Variants in TBXAS1 observed in about 807,000 individuals in gnomAD.
TBXAS1 encodes thromboxane-A synthase.
Under a neutral mutation model 60.7 loss-of-function variants are expected in TBXAS1, and 48 were observed. The observed-to-expected ratio is 0.79, with a 90% CI of 0.63 to 1.01. The LOEUF (loss-of-function observed/expected upper bound fraction) is 1.01. Ranked by LOEUF, TBXAS1 falls within the 50% of genes least tolerant of loss-of-function variation. The probability of loss-of-function intolerance (pLI) is 0.00; values close to 1 mark genes in which losing one functional copy is unlikely to be tolerated. For missense variants in TBXAS1, 685 were observed against 686.3 expected (o/e 1.00, Z 0.02); for synonymous variants, 287 against 269.7 (o/e 1.06, Z -0.63).
chr7:139,784,025 T>TG (rs1797092547), intron 3 of TBXAS1, among the ~76,000 whole-genome samples: 1 of 147,474 alleles, frequency 6.8e-6, no homozygotes, highest in Admixed American at 6.7e-5. Context: ...TTTTTTTTTT[T>TG]GTATTTTTTC....
intron 1 of TBXAS1, among the ~76,000 whole-genome samples, chr7:139,840,274 G>A (rs1799348735): frequency 6.6e-6 from 1 of 152,102 alleles, no homozygotes; most frequent in Non-Finnish European, 1.5e-5. Flanking sequence ...ATCTGAAGAG[G>A]AAGAAGCCAT....
chr7:139,897,157 G>A (rs555028776), intron 3 of TBXAS1, among the ~76,000 whole-genome samples: 2 of 152,100 alleles, frequency 1.3e-5, no homozygotes, highest in African/African-American at 2.4e-5. Context: ...ACTCACAAAC[G>A]AGCAGAAAGA....
chr7:139,951,486 A>G (rs941543001), intron 5 of TBXAS1, among the ~76,000 whole-genome samples: 1 of 150,282 alleles, frequency 6.7e-6, no homozygotes, highest in Non-Finnish European at 1.5e-5. Context: ...AGCCAGGCAC[A>G]GTAGTTCACG....
At chr7:139,794,646 C>T (rs1242594356) in intron 4 of TBXAS1, among the ~76,000 whole-genome samples, 1 of 144,680 alleles carries the variant, frequency 6.9e-6, no homozygotes, top group Non-Finnish European at 1.5e-5. Flanking sequence ...GTATGTCTCC[C>T]AATGCTATCC....
chr7:140,005,292 G>T (rs1406533265), intron 9 of TBXAS1, among the ~76,000 whole-genome samples: 1 of 152,154 alleles, frequency 6.6e-6, no homozygotes, highest in Non-Finnish European at 1.5e-5. Context: ...AGCCAGGCAT[G>T]GTGGCAGATG....
chr7:139,818,886 G>T (rs1404018705), intron 4 of TBXAS1, among the ~76,000 whole-genome samples: 2 of 152,156 alleles, frequency 1.3e-5, no homozygotes, highest in Non-Finnish European at 2.9e-5. Flanking sequence ...CAGCCTCCTG[G>T]AGAGAGAGTT....
chr7:139,984,640 G>GAGAGAGAGAGAA lies in TBXAS1; in HGVS notation c.1134+22410_1134+22411insGAGAGAGAAAGA, dbSNP rs1007635035. 1.9e-4 allele frequency among the ~76,000 whole-genome samples: 19 copies of GAGAGAGAGAGAA among 99,860 alleles called. 1 individual carries two copies. The highest frequency in any genetic ancestry group is 6.5e-4 in the African/African-American group (17 of 26,010). The allele number at this position is 99,860 out of a possible 152,430, so 65.5% of individuals were successfully genotyped here. ...AGAGAGAGAGAGAGAGAGAGAGAGA[G>GAGAGAGAGAGAA]AGAAAGAAAGAAAGGGAAGGGGGAA... On this transcript the variant is annotated intron_variant, in intron 9 of 12. Transcript: ENST00000448866.
chr7:139,918,004 T>A (rs899693509), intron 4 of TBXAS1, among the ~76,000 whole-genome samples: 1 of 152,210 alleles, frequency 6.6e-6, no homozygotes, highest in Non-Finnish European at 1.5e-5. Context: ...TTCTTATCTC[T>A]CAATGGATAT....
At position 139,841,755 on chromosome 7, in the gene TBXAS1, G is replaced by A. The variant is rs115008847; in HGVS notation, c.89+12276G>A. On this transcript the variant is annotated intron_variant, in intron 1 of 12. Coordinates refer to ENST00000448866, the MANE Select transcript of TBXAS1 (RefSeq NM_001061.7). ...TAAAGTAACGTGACTGATTATTTTA[G>A]CATACACTCCAATACTTATACAGCC... Among the ~76,000 whole-genome samples the A allele has an allele frequency of 7.3e-3, 1,115 of 152,178 alleles. 13 individuals carry two copies. Among genetic ancestry groups the A allele is most frequent in the African/African-American group, 0.026 (1,061 of 41,510 alleles).
At chr7:139,968,965 A>G (rs1160788892) in intron 9 of TBXAS1, among the ~76,000 whole-genome samples, 1 of 152,250 alleles carries the variant, frequency 6.6e-6, no homozygotes, top group Non-Finnish European at 1.5e-5. Flanking sequence ...GAGAAAGGAA[A>G]AAAACCAACT....
At chr7:139,918,100 C>T (rs183610633) in intron 4 of TBXAS1, among the ~76,000 whole-genome samples, 7 of 152,276 alleles carry the variant, frequency 4.6e-5, no homozygotes, top group Non-Finnish European at 7.4e-5. Context: ...TATGACATTC[C>T]CTTTCTTCTT....
intron 6 of TBXAS1, among the ~76,000 whole-genome samples, chr7:139,953,810 T>C (rs945674048): frequency 5.3e-5 from 8 of 152,236 alleles, no homozygotes; most frequent in African/African-American, 1.9e-4. Flanking sequence ...CCAGAAGCTA[T>C]AATTTAGTGG....
intron 12 of TBXAS1, 86 bp from the exon 13 acceptor site, chr7:140,019,939 T>C: frequency 7.6e-7 from 1 of 1,311,108 alleles, no homozygotes; most frequent in Non-Finnish European, 1.1e-6. Context: ...GACAACGGAC[T>C]TGGCCTTCTT....
rs138177756 is a variant in TBXAS1 at position 139,969,857 on chromosome 7, A to G, written c.1134+7624A>G. Reference sequence around the variant, plus strand: ...AGACCCCACAACAGCACAACAGGACAACAGAGCACAAAGCCACAGGGACAA... The same window carrying G: ...AGACCCCACAACAGCACAACAGGACGACAGAGCACAAAGCCACAGGGACAA... On this transcript the variant is annotated intron_variant, in intron 9 of 12. Transcript: ENST00000448866. Among the ~76,000 whole-genome samples the G allele has an allele frequency of 1.7e-3, 254 of 152,356 alleles. 1 individual carries two copies. The highest frequency in any genetic ancestry group is 5.8e-3 in the African/African-American group (241 of 41,580).
chr7:139,879,835 TGTGTGTGTGTG>T (rs1437480449), intron 3 of TBXAS1, among the ~76,000 whole-genome samples: 8 of 35,144 alleles, frequency 2.3e-4, no homozygotes, highest in Admixed American at 1.5e-3. Context: ...TCTCATTTTG[TGTGTGTGTGTG>T]TGTGTGTGTG....
At chr7:139,957,808 C>G (rs544016910) in intron 8 of TBXAS1, 44 bp downstream of exon 8, 2 of 1,612,770 alleles carry the variant, frequency 1.2e-6, no homozygotes, top group Admixed American at 3.3e-5. Flanking sequence ...GGAATGGAGC[C>G]GACTTTGGCA....
intron 9 of TBXAS1, among the ~76,000 whole-genome samples, chr7:139,984,671 G>GA (rs1585005569): frequency 6.2e-5 from 5 of 80,428 alleles, no homozygotes; most frequent in Admixed American, 4.0e-4. Flanking sequence ...GGGAAAGAAA[G>GA]AAGAAAAGAA....
At chr7:139,853,102 G>A (rs1440688416) in intron 1 of TBXAS1, among the ~76,000 whole-genome samples, 1 of 152,166 alleles carries the variant, frequency 6.6e-6, no homozygotes, top group Non-Finnish European at 1.5e-5. Flanking sequence ...CCTGGTCTGT[G>A]CAGAGGAGAT....
At chr7:139,973,133 G>A (rs1316918552) in intron 9 of TBXAS1, among the ~76,000 whole-genome samples, 3 of 152,110 alleles carry the variant, frequency 2.0e-5, no homozygotes, top group Admixed American at 2.0e-4. Context: ...GAAAAGGAGG[G>A]AGCCTCAGCC....
Sources: allele counts gnomAD v4.1 joint callset (sites outside exome capture counted in the v4.1 genomes callset), GRCh38; gene constraint gnomAD v4.1.1; transcripts MANE v1.5; gene names NCBI Gene and HGNC (gene_info 2026-07-23, HGNC 2026-07-21).